Variants in OSBPL1A observed in about 807,000 individuals in gnomAD.
OSBPL1A encodes the protein oxysterol-binding protein-related protein 1.
Under a neutral mutation model 137.1 loss-of-function variants are expected in OSBPL1A, and 80 were observed. That is an observed-to-expected ratio of 0.58 (90% confidence interval 0.49 to 0.70). The LOEUF is 0.70. Ranked by LOEUF, OSBPL1A falls within the 30% of genes least tolerant of loss-of-function variation. OSBPL1A has a pLI of 0.00. For missense variants in OSBPL1A, 970 were observed against 1,129.4 expected (o/e 0.86, Z 2.02); for synonymous variants, 365 against 389.7 (o/e 0.94, Z 0.75).
At chr18:24,222,207 T>C (rs2087915336) in intron 17 of OSBPL1A, among the ~76,000 whole-genome samples, 1 of 152,206 alleles carries the variant, frequency 6.6e-6, no homozygotes. Context: ...GAATAACTGT[T>C]TAATTTTGTT....
At chr18:24,267,224 A>C (rs1442400448) in intron 15 of OSBPL1A, among the ~76,000 whole-genome samples, 1 of 151,798 alleles carries the variant, frequency 6.6e-6, no homozygotes, top group East Asian at 1.9e-4. Context: ...ATTCCTAAAA[A>C]TATATAACTT....
intron 17 of OSBPL1A, among the ~76,000 whole-genome samples, chr18:24,221,422 C>T (rs1240616587): frequency 1.3e-5 from 2 of 152,158 alleles, no homozygotes; most frequent in Non-Finnish European, 2.9e-5. Context: ...TTCTTAGCCA[C>T]ATTTATTACA....
At chr18:24,330,141 A>T (rs2091049817) in intron 7 of OSBPL1A, among the ~76,000 whole-genome samples, 1 of 152,100 alleles carries the variant, frequency 6.6e-6, no homozygotes, top group African/African-American at 2.4e-5. Flanking sequence ...TTGCTCCTTG[A>T]AAATAAAAAG....
chr18:24,275,569 A>T (rs1222185286), intron 15 of OSBPL1A, among the ~76,000 whole-genome samples: 2 of 152,192 alleles, frequency 1.3e-5, no homozygotes, highest in Non-Finnish European at 2.9e-5. Flanking sequence ...AATGGAAGAG[A>T]TCATGACTTT....
chr18:24,361,147 A>G lies in OSBPL1A; in HGVS notation c.282+5745T>C, dbSNP rs550683374. Among the ~76,000 whole-genome samples the G allele has an allele frequency of 3.3e-5, 5 of 152,186 alleles. No individual in the cohort carries two copies. The South Asian group carries it at 1.0e-3, about 32-fold the overall frequency. ...TGGGCTCAAGTGATCCTCCCATTTC[A>G]GCCTCCCGAGTAGCTGGGACTACAG... On this transcript the variant is annotated intron_variant, in intron 4 of 27. Coordinates refer to ENST00000319481, the MANE Select transcript of OSBPL1A (RefSeq NM_080597.4).
intron 5 of OSBPL1A, among the ~76,000 whole-genome samples, chr18:24,336,670 T>G (rs186583479): frequency 6.6e-6 from 1 of 152,362 alleles, no homozygotes; most frequent in East Asian, 1.9e-4. Context: ...AAACTGTCTT[T>G]CTTTTCCATC....
chr18:24,385,205 C>T (rs948956789), intron 1 of OSBPL1A, among the ~76,000 whole-genome samples: 6 of 152,002 alleles, frequency 3.9e-5, no homozygotes, highest in African/African-American at 9.7e-5. Context: ...CCGCCCGCCC[C>T]GGCCTCCCAA....
At chr18:24,190,882 C>A (rs2086873073) in intron 18 of OSBPL1A, among the ~76,000 whole-genome samples, 1 of 152,192 alleles carries the variant, frequency 6.6e-6, no homozygotes, top group Non-Finnish European at 1.5e-5. Context: ...TATGTCTGGG[C>A]ATGAGGTCTG....
chr18:24,255,075 T>C (rs2089230681), intron 15 of OSBPL1A, among the ~76,000 whole-genome samples: 1 of 152,104 alleles, frequency 6.6e-6, no homozygotes, highest in Non-Finnish European at 1.5e-5. Context: ...TGAGAAACTA[T>C]GTGGCAATAA....
Position 24,189,736 on chromosome 18 carries a change from T to C in OSBPL1A, c.1677+6389A>G, listed in dbSNP as rs374225052. On this transcript the variant is annotated intron_variant, in intron 18 of 27. Transcript: ENST00000319481. ...GTTCTTGCCATCTGAATACCACCGA[T>C]TACACGCAGATGAGTTACTCTAAGG... Among the ~76,000 whole-genome samples the C allele has an allele frequency of 1.2e-4, 18 of 152,300 alleles. No individual in the cohort carries two copies. In the East Asian group the frequency reaches 3.5e-3, roughly 29 times the overall value.
intron 16 of OSBPL1A, among the ~76,000 whole-genome samples, chr18:24,238,063 C>T (rs1021382433): frequency 2.6e-5 from 4 of 152,154 alleles, no homozygotes; most frequent in Admixed American, 1.3e-4. Flanking sequence ...ATCACTTCCC[C>T]GTCAATCTAC....
At chr18:24,315,257 A>C (rs2090697113) in intron 11 of OSBPL1A, among the ~76,000 whole-genome samples, 1 of 152,160 alleles carries the variant, frequency 6.6e-6, no homozygotes, top group South Asian at 2.1e-4. Context: ...TTGGACATTA[A>C]TAAAGCAAAC....
At chr18:24,338,183 C>T (rs1012473802) in intron 5 of OSBPL1A, among the ~76,000 whole-genome samples, 8 of 151,804 alleles carry the variant, frequency 5.3e-5, no homozygotes, top group African/African-American at 1.9e-4. Context: ...AGTGATTCTC[C>T]TGCCTCAGCT....
intron 17 of OSBPL1A, among the ~76,000 whole-genome samples, chr18:24,224,239 C>T (rs1369253875): frequency 6.6e-6 from 1 of 151,730 alleles, no homozygotes; most frequent in Non-Finnish European, 1.5e-5. Context: ...ACCATTGTGG[C>T]CAGAATCATA....
chr18:24,278,974 A>ATT (rs1340067157), intron 15 of OSBPL1A, among the ~76,000 whole-genome samples: 1 of 152,194 alleles, frequency 6.6e-6, no homozygotes, highest in Non-Finnish European at 1.5e-5. Context: ...TTAATGAACA[A>ATT]TTATGTTTTC....
At chr18:24,394,086 C>T (rs376793384) in intron 1 of OSBPL1A, among the ~76,000 whole-genome samples, 47 of 152,164 alleles carry the variant, frequency 3.1e-4, no homozygotes, top group African/African-American at 9.4e-4. Flanking sequence ...CATTCATCTC[C>T]CACAGGAGAA....
At chr18:24,269,270 G>A (rs940635398) in intron 15 of OSBPL1A, among the ~76,000 whole-genome samples, 4 of 152,230 alleles carry the variant, frequency 2.6e-5, no homozygotes, top group South Asian at 4.2e-4. Context: ...GATAAGTTTC[G>A]AACTCTATAA....
intron 27 of OSBPL1A, among the ~76,000 whole-genome samples, chr18:24,164,841 C>A (rs1467264916): frequency 6.6e-6 from 1 of 152,234 alleles, no homozygotes; most frequent in African/African-American, 2.4e-5. Context: ...ACGTTTATGA[C>A]AGCACAATTC....
intron 12 of OSBPL1A, among the ~76,000 whole-genome samples, chr18:24,313,215 G>A (rs2090657205): frequency 6.6e-6 from 1 of 151,866 alleles, no homozygotes; most frequent in Non-Finnish European, 1.5e-5. Context: ...GGCTGAGGTG[G>A]GCGGATCACA....
Sources: gnomAD v4.1 joint callset for allele counts (sites outside exome capture counted in the v4.1 genomes callset) on GRCh38, gnomAD v4.1.1 for gene constraint, MANE v1.5 for transcripts, NCBI Gene and HGNC (gene_info 2026-07-23, HGNC 2026-07-21) for gene names.